Variants in FXYD6 observed in about 807,000 individuals in gnomAD.
FXYD6 encodes the protein FXYD domain-containing ion transport regulator 6.
Under a neutral mutation model 16.7 loss-of-function variants are expected in FXYD6, and 7 were observed. The observed-to-expected ratio is 0.42, with a 90% CI of 0.24 to 0.79. The LOEUF is 0.79. Among genes scored for constraint, FXYD6 ranks in the 30% least tolerant of loss-of-function variants. The pLI, the probability that FXYD6 is intolerant of heterozygous loss-of-function variation, is 0.28. For missense variants in FXYD6, 111 were observed against 116.2 expected (o/e 0.95, Z 0.21); for synonymous variants, 49 against 43.0 (o/e 1.14, Z -0.54).
intron 7 of FXYD6, 73 bp downstream of exon 7, chr11:117,839,707 GC>G: frequency 6.3e-7 from 1 of 1,583,766 alleles, no homozygotes. Context: ...CATCCTTCCC[GC>G]CTGAACCCCT....
chr11:117,875,892 G>A (rs917928680), intron 1 of FXYD6, among the ~76,000 whole-genome samples: 4 of 152,172 alleles, frequency 2.6e-5, no homozygotes, highest in Non-Finnish European at 5.9e-5. Context: ...AACTCTCCAC[G>A]GAAGCCCGGG....
chr11:117,849,720 CT>C (rs2056559744), intron 1 of FXYD6, among the ~76,000 whole-genome samples: 1 of 151,598 alleles, frequency 6.6e-6, no homozygotes, highest in South Asian at 2.1e-4. Context: ...ATTTTTTTTC[CT>C]TTTTCCATGA....
intron 1 of FXYD6, among the ~76,000 whole-genome samples, chr11:117,846,762 A>G (rs1402598009): frequency 6.6e-6 from 1 of 152,188 alleles, no homozygotes; most frequent in Non-Finnish European, 1.5e-5. Context: ...CTGTGTTTCA[A>G]TTATGATAGC....
At chr11:117,845,520 G>T (rs1453604584) in intron 1 of FXYD6, among the ~76,000 whole-genome samples, 8 of 152,078 alleles carry the variant, frequency 5.3e-5, no homozygotes, top group African/African-American at 1.9e-4. Context: ...TGCTTCTGTG[G>T]TTCACTGACT....
At chr11:117,873,660 G>A (rs1165641522) in intron 1 of FXYD6, among the ~76,000 whole-genome samples, 3 of 152,196 alleles carry the variant, frequency 2.0e-5, no homozygotes, top group Non-Finnish European at 2.9e-5. Context: ...TTGGGGGGCT[G>A]CCTGGCACAG....
chr11:117,848,262 G>C (rs1472878261), intron 1 of FXYD6, among the ~76,000 whole-genome samples: 1 of 152,120 alleles, frequency 6.6e-6, no homozygotes, highest in African/African-American at 2.4e-5. Context: ...TGGTTTCCAA[G>C]CTGTTTCTGT....
chr11:117,849,773 C>T (rs2056561633), intron 1 of FXYD6, among the ~76,000 whole-genome samples: 1 of 151,946 alleles, frequency 6.6e-6, no homozygotes, highest in South Asian at 2.1e-4. Context: ...TAGCTGAAGG[C>T]CTCGCCACTG....
In FXYD6 at chr11:117,858,698, TC is replaced by T. The variant is rs1565323692; in HGVS notation, c.-5-15918del. 3.8e-3 allele frequency among the ~76,000 whole-genome samples: 247 copies of T among 65,638 alleles called. 4 individuals are homozygous for T. The highest frequency in any genetic ancestry group is 0.019 in the African/African-American group (235 of 12,578). 43.1% of individuals were successfully genotyped at this position (65,638 alleles called of 152,430 possible). On this transcript the variant is annotated intron_variant, in intron 1 of 7. Coordinates refer to ENST00000526014, the MANE Select transcript of FXYD6 (RefSeq NM_022003.4). ...TTCTTTCTTTCTTTCTTTCTTTCTT[TC>T]TTTCTCTCTCTCTCTCCTTCCTTCC...
chr11:117,875,122 G>A (rs149138648), intron 1 of FXYD6, among the ~76,000 whole-genome samples: 1 of 150,670 alleles, frequency 6.6e-6, no homozygotes, highest in Non-Finnish European at 1.5e-5. Context: ...GTGTGTGCAT[G>A]CACAGTGCGC....
chr11:117,851,498 A>G (rs1268620411), intron 1 of FXYD6, among the ~76,000 whole-genome samples: 1 of 152,242 alleles, frequency 6.6e-6, no homozygotes, highest in Non-Finnish European at 1.5e-5. Context: ...CACCCACTGA[A>G]GATTCTCCCT....
intron 2 of FXYD6, 177 bp from the exon 3 acceptor site, chr11:117,842,205 G>T: frequency 1.2e-6 from 1 of 865,696 alleles, no homozygotes; most frequent in Non-Finnish European, 1.7e-6. Flanking sequence ...GGGGTTAGGG[G>T]AACCCTAAGG....
At chr11:117,874,847 A>G (rs1022608605) in intron 1 of FXYD6, among the ~76,000 whole-genome samples, 5 of 152,236 alleles carry the variant, frequency 3.3e-5, no homozygotes, top group African/African-American at 1.2e-4. Flanking sequence ...GGAGGAGGGA[A>G]AAGGGCTGCG....
chr11:117,846,518 A>G (rs764781938), intron 1 of FXYD6, among the ~76,000 whole-genome samples: 2 of 152,202 alleles, frequency 1.3e-5, no homozygotes, highest in Non-Finnish European at 2.9e-5. Context: ...ATTTAAATCT[A>G]TTTGACATCT....
intron 1 of FXYD6, among the ~76,000 whole-genome samples, chr11:117,844,480 A>T (rs1054882338): frequency 3.3e-5 from 5 of 151,758 alleles, no homozygotes; most frequent in African/African-American, 9.7e-5. Flanking sequence ...AAAAATATAT[A>T]TTTTTATTTT....
rs558919532 is a variant in FXYD6, at chr11:117,870,262, G to T, written c.-6+6330C>A. ...CCCTCTGGTTCCCCAGGAGATCTCG[G>T]TCTGGCTCCAGAGAGTCTGAATGGT... On this transcript the variant is annotated intron_variant, in intron 1 of 7. Coordinates refer to ENST00000526014, the MANE Select transcript of FXYD6 (RefSeq NM_022003.4). This position sits in a 1 kb window ranked among gnomAD's most constrained non-coding sequence, Gnocchi z 4.2. Among the ~76,000 whole-genome samples the T allele has an allele frequency of 6.6e-6, 1 of 152,252 alleles. No homozygotes were observed. Among genetic ancestry groups the T allele is most frequent in the East Asian group, 1.9e-4 (1 of 5,200 alleles).
At chr11:117,858,368 G>A (rs1185103340) in intron 1 of FXYD6, 1 of 152,290 alleles carries the variant, frequency 6.6e-6, no homozygotes, top group African/African-American at 2.4e-5. Flanking sequence ...GAGCTCCAGG[G>A]GGGCTTTCCC....
chr11:117,875,444 T>G (rs1591602517), intron 1 of FXYD6, among the ~76,000 whole-genome samples: 1 of 150,184 alleles, frequency 6.7e-6, no homozygotes, highest in African/African-American at 2.5e-5. Context: ...GATATGGAGG[T>G]GAGGAATGGG....
chr11:117,839,804 A>G lies in FXYD6; in HGVS notation c.286T>C (p.Ter96ArgextTer16). 6.2e-7 allele frequency: 1 copy of G among 1,614,196 alleles called. No individual in the cohort carries two copies. Among genetic ancestry groups the G allele is most frequent in the Non-Finnish European group, 8.5e-7 (1 of 1,180,030 alleles). The change falls in exon 7 of 8, where the codon TGA becomes CGA. Residue 96 changes from the stop codon to arginine, a stop_lost. Coordinates refer to ENST00000526014, the MANE Select transcript of FXYD6 (RefSeq NM_022003.4). ...NATEPQKAEN[*>R] ...ACCTTCCACCTGATGGCTGCACTTC[A>G]GTTCTCTGCTTTCTGGGGCTCTGTT... is the stretch of plus-strand genomic sequence containing the variant.
At chr11:117,856,183 C>T (rs2134170719) in intron 1 of FXYD6, among the ~76,000 whole-genome samples, 1 of 152,240 alleles carries the variant, frequency 6.6e-6, no homozygotes, top group South Asian at 2.1e-4. Flanking sequence ...CACATAATTT[C>T]ACTTAATTGC....
Sources: gnomAD v4.1 joint callset for allele counts (sites outside exome capture counted in the v4.1 genomes callset) on GRCh38, gnomAD v4.1.1 for gene constraint, Gnocchi (gnomAD v3.1) non-coding constraint, MANE v1.5 for transcripts, NCBI Gene and HGNC (gene_info 2026-07-23, HGNC 2026-07-21) for gene names.